MEGF11: variants seen among roughly 807,000 people sequenced by gnomAD.
MEGF11 encodes multiple epidermal growth factor-like domains protein 11.
MEGF11 carries 126 observed loss-of-function variants against 146.6 expected under a neutral mutation model. That is an observed-to-expected ratio of 0.86 (90% CI 0.74 to 1.00). MEGF11 has a LOEUF of 1.00. Ranked by LOEUF, MEGF11 falls within the 50% of genes least tolerant of loss-of-function variation. The pLI is 0.00. For synonymous variants in MEGF11, 532 were observed against 583.4 expected (o/e 0.91, Z 1.27); for missense variants, 1,509 against 1,521.2 (o/e 0.99, Z 0.13).
At chr15:66,158,449 C>T (rs940595714) in intron 1 of MEGF11, among the ~76,000 whole-genome samples, 1 of 152,284 alleles carries the variant, frequency 6.6e-6, no homozygotes, top group African/African-American at 2.4e-5. Flanking sequence ...GCCTGCTCTG[C>T]CCCTTGGGCT....
intron 1 of MEGF11, among the ~76,000 whole-genome samples, chr15:66,149,066 G>A (rs2089471991): frequency 6.6e-6 from 1 of 152,212 alleles, no homozygotes; most frequent in East Asian, 1.9e-4. Flanking sequence ...CGCCCGGCAG[G>A]AGCACCTCCA....
chr15:66,100,433 G>A (rs1012056235), intron 4 of MEGF11, among the ~76,000 whole-genome samples: 1 of 152,210 alleles, frequency 6.6e-6, no homozygotes, highest in Non-Finnish European at 1.5e-5. Context: ...AGGCCAGGGT[G>A]TAAGGTCAGA....
At chr15:65,914,288 A>G (rs748936733) in intron 19 of MEGF11, among the ~76,000 whole-genome samples, 3 of 152,204 alleles carry the variant, frequency 2.0e-5, no homozygotes, top group Non-Finnish European at 2.9e-5. Flanking sequence ...AGGGATTAGT[A>G]TTTTCCTTTC....
At chr15:66,122,309 A>G (rs2088072152) in intron 3 of MEGF11, among the ~76,000 whole-genome samples, 2 of 152,026 alleles carry the variant, frequency 1.3e-5, no homozygotes, top group Non-Finnish European at 2.9e-5. Flanking sequence ...ATCAGTGAAG[A>G]CCAACCCTGA....
At chr15:66,208,916 C>A (rs2140119092) in intron 1 of MEGF11, among the ~76,000 whole-genome samples, 1 of 152,118 alleles carries the variant, frequency 6.6e-6, no homozygotes. Context: ...AAACATGTCC[C>A]AGCTAGAGTA....
At chr15:66,020,173 C>T (rs940130594) in intron 5 of MEGF11, among the ~76,000 whole-genome samples, 1 of 152,214 alleles carries the variant, frequency 6.6e-6, no homozygotes, top group African/African-American at 2.4e-5. Flanking sequence ...CTGGTCGCAG[C>T]GATTGGTTCT....
At chr15:66,006,238 C>T (rs547939465) in intron 5 of MEGF11, among the ~76,000 whole-genome samples, 6 of 152,290 alleles carry the variant, frequency 3.9e-5, no homozygotes, top group Non-Finnish European at 5.9e-5. Flanking sequence ...GGGGCTCTGG[C>T]TGCTGTTCTA....
At chr15:65,967,498 G>A (rs544341936) in intron 8 of MEGF11, among the ~76,000 whole-genome samples, 1 of 152,280 alleles carries the variant, frequency 6.6e-6, no homozygotes, top group South Asian at 2.1e-4. Context: ...TCGTGGGGGT[G>A]GAAGTATTCT....
intron 1 of MEGF11, among the ~76,000 whole-genome samples, chr15:66,240,411 G>A (rs938356932): frequency 3.3e-5 from 5 of 152,236 alleles, no homozygotes; most frequent in Non-Finnish European, 5.9e-5. Flanking sequence ...TTACAGAAAG[G>A]CCACGAAGGG....
chr15:66,102,595 TA>T (rs752399934), intron 4 of MEGF11, among the ~76,000 whole-genome samples: 1 of 145,882 alleles, frequency 6.9e-6, no homozygotes, highest in Non-Finnish European at 1.5e-5. Context: ...ATTAGCTAAT[TA>T]AAAAAGTTTT....
At chr15:66,120,105 C>A (rs565258965) in intron 3 of MEGF11, among the ~76,000 whole-genome samples, 1 of 152,282 alleles carries the variant, frequency 6.6e-6, no homozygotes, top group South Asian at 2.1e-4. Context: ...GGATTCAAAC[C>A]TAGCTCACTC....
intron 1 of MEGF11, among the ~76,000 whole-genome samples, chr15:66,198,774 G>A (rs771498249): frequency 6.6e-5 from 10 of 151,946 alleles, no homozygotes; most frequent in Non-Finnish European, 1.5e-4. Flanking sequence ...GTGAGCCACC[G>A]AGCCCAGCCT....
chr15:65,962,119 CT>C (rs2080877979), intron 9 of MEGF11, among the ~76,000 whole-genome samples: 1 of 152,154 alleles, frequency 6.6e-6, no homozygotes, highest in Non-Finnish European at 1.5e-5. Context: ...CTTTAACTGT[CT>C]TAAGATTAGA....
chr15:66,079,333 G>T (rs962365648), intron 5 of MEGF11, among the ~76,000 whole-genome samples: 1 of 152,176 alleles, frequency 6.6e-6, no homozygotes, highest in African/African-American at 2.4e-5. Context: ...ACTCTAGTGG[G>T]GATGGCACCA....
chr15:66,083,075 CAG>C (rs1449656965), intron 5 of MEGF11, among the ~76,000 whole-genome samples: 1 of 152,124 alleles, frequency 6.6e-6, no homozygotes, highest in African/African-American at 2.4e-5. Context: ...GCGCCTGAGA[CAG>C]AGACACTCCC....
intron 9 of MEGF11, among the ~76,000 whole-genome samples, chr15:65,960,315 T>TAACG (rs1192627469): frequency 6.6e-6 from 1 of 152,226 alleles, no homozygotes; most frequent in Non-Finnish European, 1.5e-5. Context: ...TGTAAATATC[T>TAACG]AACGAAGAAG....
At chr15:66,245,625 G>A (rs1345855999) in intron 1 of MEGF11, among the ~76,000 whole-genome samples, 1 of 152,030 alleles carries the variant, frequency 6.6e-6, no homozygotes, top group Non-Finnish European at 1.5e-5. Context: ...GTGTGACCCT[G>A]TCTCCAAAAA....
At chr15:66,005,093 A>G (rs1295704280) in intron 5 of MEGF11, among the ~76,000 whole-genome samples, 1 of 152,156 alleles carries the variant, frequency 6.6e-6, no homozygotes, top group East Asian at 1.9e-4. Flanking sequence ...GGGAGACTCC[A>G]TCTCTTAAAA....
In MEGF11 at chr15:66,063,700, G is replaced by A. The variant is rs141792694; in HGVS notation, c.394+30702C>T. On this transcript the variant is annotated intron_variant, in intron 5 of 25. Coordinates refer to ENST00000395614, the MANE Select transcript of MEGF11 (RefSeq NM_001385028.1). Reference sequence around the variant, plus strand: ...AGGGAGCCTTTCTTGATTAACCCCCGAAATTTGGAGTATTTCTTAGCCTGC... The same window carrying A: ...AGGGAGCCTTTCTTGATTAACCCCCAAAATTTGGAGTATTTCTTAGCCTGC... 3.2e-4 allele frequency among the ~76,000 whole-genome samples: 48 copies of A among 152,302 alleles called. 1 individual carries two copies. The East Asian group carries it at 6.8e-3, about 21-fold the overall frequency.
Sources: gnomAD v4.1 joint callset for allele counts (sites outside exome capture counted in the v4.1 genomes callset) on GRCh38, gnomAD v4.1.1 for gene constraint, MANE v1.5 for transcripts, NCBI Gene and HGNC (gene_info 2026-07-23, HGNC 2026-07-21) for gene names.